Variants in SCFD2 observed in about 807,000 individuals in gnomAD.
SCFD2 encodes sec1 family domain-containing protein 2.
A neutral mutation model predicts 58.9 loss-of-function variants in SCFD2; 54 were observed. The ratio of observed to expected loss-of-function variants is 0.92; its 90% CI spans 0.74 to 1.15. The LOEUF is 1.15. Among genes scored for constraint, SCFD2 ranks in the 50% most tolerant of loss-of-function variants. The probability of loss-of-function intolerance (pLI) is 0.00; values close to 1 mark genes in which losing one functional copy is unlikely to be tolerated. For missense variants in SCFD2, 805 were observed against 836.6 expected (o/e 0.96, Z 0.47); for synonymous variants, 321 against 335.9 (o/e 0.96, Z 0.49).
chr4:52,903,196 G>A (rs1339866200), intron 7 of SCFD2, among the ~76,000 whole-genome samples: 3 of 152,226 alleles, frequency 2.0e-5, no homozygotes, highest in African/African-American at 7.2e-5. Flanking sequence ...GCGTGGAAAG[G>A]AGAAGAGAGC....
At chr4:53,254,388 T>C (rs538058217) in intron 4 of SCFD2, among the ~76,000 whole-genome samples, 5 of 152,320 alleles carry the variant, frequency 3.3e-5, no homozygotes, top group African/African-American at 9.6e-5. Context: ...GTGAAGAAGA[T>C]GCCTGCTTCT....
intron 4 of SCFD2, among the ~76,000 whole-genome samples, chr4:53,159,829 G>A (rs1261499538): frequency 1.3e-5 from 2 of 152,136 alleles, no homozygotes; most frequent in African/African-American, 2.4e-5. Context: ...AGTGCCCCTG[G>A]GCCAGTGACC....
chr4:53,007,305 G>GGAGAGGGAGAGAGAGAGAGAGAGA (rs1553913999), intron 5 of SCFD2, among the ~76,000 whole-genome samples: 1 of 66,082 alleles, frequency 1.5e-5, no homozygotes, highest in East Asian at 4.0e-4. Context: ...AGAGGGAGAG[G>GGAGAGGGAGAGAGAGAGAGAGAGA]GAGAGAGAGA....
At chr4:53,221,909 C>T (rs1183818012) in intron 4 of SCFD2, among the ~76,000 whole-genome samples, 1 of 152,200 alleles carries the variant, frequency 6.6e-6, no homozygotes, top group Non-Finnish European at 1.5e-5. Context: ...AGAGGAACCA[C>T]AACAACAAAA....
At chr4:53,169,921 C>T (rs1727127752) in intron 4 of SCFD2, among the ~76,000 whole-genome samples, 1 of 152,176 alleles carries the variant, frequency 6.6e-6, no homozygotes, top group African/African-American at 2.4e-5. Flanking sequence ...CTTAAATATT[C>T]TGGATATTAC....
In SCFD2 at chr4:52,888,751, C is replaced by T. The variant is rs138984112; in HGVS notation, c.1843-2885G>A. Among the ~76,000 whole-genome samples, 100 of 152,318 alleles carry T rather than the reference C, an allele frequency of 6.6e-4. 1 individual carries two copies. The highest frequency in any genetic ancestry group is 2.3e-3 in the African/African-American group (95 of 41,556). On this transcript the variant is annotated intron_variant, in intron 7 of 8. Transcript: ENST00000401642. ...CCCATTTAAATGTTGTTACTTACAG[C>T]TCCATCCTTGGTTCCTTGCCCTTTG... is the stretch of plus-strand genomic sequence containing the variant.
At chr4:52,897,940 C>T (rs191593223) in intron 7 of SCFD2, among the ~76,000 whole-genome samples, 10 of 152,132 alleles carry the variant, frequency 6.6e-5, no homozygotes, top group African/African-American at 1.4e-4. Flanking sequence ...AGTTTATTTG[C>T]GCAGAGGTGT....
At chr4:52,946,559 G>C (rs959474837) in intron 5 of SCFD2, among the ~76,000 whole-genome samples, 7 of 152,070 alleles carry the variant, frequency 4.6e-5, no homozygotes, top group Admixed American at 4.6e-4. Flanking sequence ...GAATAAAAAT[G>C]ACTTATCATC....
intron 5 of SCFD2, among the ~76,000 whole-genome samples, chr4:53,009,546 T>C (rs1043320392): frequency 6.6e-5 from 10 of 152,218 alleles, no homozygotes; most frequent in Non-Finnish European, 1.3e-4. Flanking sequence ...TATTCTGGAA[T>C]CTGGATTACA....
chr4:52,933,340 C>T (rs1460525135), intron 5 of SCFD2, among the ~76,000 whole-genome samples: 1 of 152,208 alleles, frequency 6.6e-6, no homozygotes, highest in Non-Finnish European at 1.5e-5. Context: ...GATGCTCACT[C>T]ATTTCCTTCA....
intron 5 of SCFD2, among the ~76,000 whole-genome samples, chr4:52,964,547 A>T (rs1260591170): frequency 6.6e-6 from 1 of 152,216 alleles, no homozygotes; most frequent in African/African-American, 2.4e-5. Context: ...TAGGAGTTGC[A>T]GGCTAAGTGT....
In SCFD2 at chr4:53,145,402, C is replaced by G; in HGVS notation, c.1492G>C (p.Val498Leu). 2 of 1,614,156 alleles carry G rather than the reference C, an allele frequency of 1.2e-6. No individual in the cohort carries two copies. The highest frequency in any genetic ancestry group is 1.7e-6 in the Non-Finnish European group (2 of 1,180,018). Reference sequence around the variant, plus strand: ...AAGACCTGAGCCAATGCTTTCTTGACTTTTTCTTCTGCTTCACACAGGTCT... The same window carrying G: ...AAGACCTGAGCCAATGCTTTCTTGAGTTTTTCTTCTGCTTCACACAGGTCT... ...DKDLCEAEEKVKKALAQVFCE... is the reference protein window; with the variant it reads ...DKDLCEAEEKLKKALAQVFCE... Residue 498 changes from valine to leucine, a missense_variant, in exon 5 of 9, where the codon GTC becomes CTC. Around this residue, in one of 3 missense-constraint regions of SCFD2, gnomAD observed 633 missense variants for 646.8 expected, o/e 0.98. Coordinates refer to ENST00000401642, the MANE Select transcript of SCFD2 (RefSeq NM_152540.4).
At chr4:53,295,672 C>T (rs1164268300) in intron 3 of SCFD2, among the ~76,000 whole-genome samples, 5 of 152,030 alleles carry the variant, frequency 3.3e-5, no homozygotes, top group Non-Finnish European at 5.9e-5. Flanking sequence ...TCCAATACTA[C>T]GTTGAAAAGG....
chr4:53,094,140 T>A (rs1724550988), intron 5 of SCFD2, among the ~76,000 whole-genome samples: 1 of 152,200 alleles, frequency 6.6e-6, no homozygotes, highest in African/African-American at 2.4e-5. Context: ...AACTGGTGAA[T>A]GGAATTGTTG....
intron 5 of SCFD2, among the ~76,000 whole-genome samples, chr4:53,041,170 AG>A (rs1456866901): frequency 6.6e-6 from 1 of 152,182 alleles, no homozygotes; most frequent in East Asian, 1.9e-4. Flanking sequence ...GCTAATTAAA[AG>A]GGTTTATGCA....
intron 4 of SCFD2, among the ~76,000 whole-genome samples, chr4:53,225,851 C>T (rs1729195446): frequency 6.6e-6 from 1 of 152,230 alleles, no homozygotes; most frequent in Non-Finnish European, 1.5e-5. Context: ...AATTTGGTGG[C>T]TTTCCCCCTT....
At chr4:53,139,756 C>T (rs1368236927) in intron 5 of SCFD2, among the ~76,000 whole-genome samples, 8 of 151,942 alleles carry the variant, frequency 5.3e-5, no homozygotes, top group South Asian at 4.2e-4. Context: ...GTGGTTTTGT[C>T]GAATAGAAAG....
At chr4:53,352,105 A>G (rs914350329) in intron 2 of SCFD2, among the ~76,000 whole-genome samples, 3 of 152,246 alleles carry the variant, frequency 2.0e-5, no homozygotes, top group Admixed American at 1.3e-4. Context: ...AACAACGTAC[A>G]TAATCTTCTC....
At chr4:53,040,906 G>T (rs1722882114) in intron 5 of SCFD2, among the ~76,000 whole-genome samples, 1 of 152,164 alleles carries the variant, frequency 6.6e-6, no homozygotes, top group African/African-American at 2.4e-5. Context: ...TTTCATGAAT[G>T]AGATAAAACC....
Sources: gnomAD v4.1 joint callset for allele counts (sites outside exome capture counted in the v4.1 genomes callset) on GRCh38, gnomAD v4.1.1 for gene constraint, gnomAD v4.1.1 regional missense constraint, MANE v1.5 for transcripts, NCBI Gene and HGNC (gene_info 2026-07-23, HGNC 2026-07-21) for gene names.